Variants in PLA2G3 observed in about 807,000 individuals in gnomAD.
PLA2G3 encodes phospholipase A2 group III, also known as group 3 secretory phospholipase A2.
In PLA2G3, 39 loss-of-function variants were observed where a neutral mutation model predicts 51.3. That is an observed-to-expected ratio of 0.76 (90% CI 0.59 to 0.99). The LOEUF is 0.99. PLA2G3 is among the 50% of genes least tolerant of loss of function. The pLI is 0.00. For missense variants in PLA2G3, 677 were observed against 662.1 expected, an observed-to-expected ratio of 1.02 and a Z score of -0.25; for synonymous variants, 293 against 263.1, an observed-to-expected ratio of 1.11 and a Z score of -1.10.
intron 5 of PLA2G3, 23 bp downstream of exon 5, chr22:31,136,885 G>T (rs368261799): frequency 1.5e-5 from 24 of 1,607,252 alleles, no homozygotes; most frequent in Non-Finnish European, 1.8e-5. Flanking sequence ...AGCCCACCCC[G>T]CGAGGGTTCA....
chr22:31,140,029 G>T lies in PLA2G3; in HGVS notation c.326C>A (p.Ala109Asp). 6.2e-7 allele frequency: 1 copy of T among 1,613,742 alleles called. No homozygotes were observed. Among genetic ancestry groups the T allele is most frequent in the African/African-American group, 1.3e-5 (1 of 75,052 alleles). The change falls in exon 1 of 7, where the codon GCC (alanine) becomes GAC (aspartate). Residue 109 changes from alanine (A) to aspartate (D), a missense_variant. By Grantham distance (126) the Ala-to-Asp change is moderately radical. Coordinates refer to ENST00000215885, the MANE Select transcript of PLA2G3 (RefSeq NM_015715.5). ...TGCCTCCCACTGACTCTGAAGAGTGGCCAGTGCTCTCTGCAGCTCGGGTCC... is the reference window on the plus strand; with the variant it reads ...TGCCTCCCACTGACTCTGAAGAGTGTCCAGTGCTCTCTGCAGCTCGGGTCC... The part of the protein sequence containing the change: ...TPGPELQRAL[A>D]TLQSQWEACR...
Position 31,137,892 on chromosome 22 carries a change from C to A in PLA2G3, c.884G>T (p.Arg295Leu). ...TCGAGGCTTGGGAGGGGCTGGGCTC[C>A]GGGAGCTGGGAGTTGGGGAGGTGGC... ...SRATSPTPSS[R>L]SPAPPKPRQK... Residue 295 changes from arginine to leucine, a missense_variant, in exon 4 of 7, where the codon CGG (arginine) becomes CTG (leucine). Transcript: ENST00000215885. 6.2e-7 allele frequency: 1 copy of A among 1,613,716 alleles called. No individual in the cohort carries two copies. Among genetic ancestry groups the A allele is most frequent in the Non-Finnish European group, 8.5e-7 (1 of 1,179,880 alleles).
In PLA2G3 at chr22:31,139,836, C is replaced by G. The variant is rs1225074458; in HGVS notation, c.514+5G>C. The G allele has an allele frequency of 6.2e-7, 1 of 1,609,522 alleles. No individual in the cohort carries two copies. Among genetic ancestry groups the G allele is most frequent in the Non-Finnish European group, 8.5e-7 (1 of 1,177,050 alleles). On this transcript the variant is annotated splice_donor_5th_base_variant and intron_variant, in intron 1 of 6. Transcript: ENST00000215885. ...CCCCCAGCCCACACACCCCTCATGGCTCACCCAGCTCCGAGGAGTTCCCAG... is the reference window on the plus strand; with the variant it reads ...CCCCCAGCCCACACACCCCTCATGGGTCACCCAGCTCCGAGGAGTTCCCAG...
rs370884701 is a variant in PLA2G3 at position 31,140,059 on chromosome 22, G to A, written c.296C>T (p.Thr99Ile). 1.2e-6 allele frequency: 2 copies of A among 1,613,488 alleles called. No individual in the cohort carries two copies. The highest frequency in any genetic ancestry group is 1.3e-5 in the African/African-American group (1 of 74,918). The change falls in exon 1 of 7, where the codon ACC becomes ATC. Residue 99 changes from threonine (T) to isoleucine (I), a missense_variant. Coordinates refer to ENST00000215885, the MANE Select transcript of PLA2G3 (RefSeq NM_015715.5). ...TGCTCTCTGCAGCTCGGGTCCGGGG[G>A]TGTGGATGAAGGAGCCCCAGGCAGT... ...HETAWGSFIHTPGPELQRALA... is the reference protein window; with the variant it reads ...HETAWGSFIHIPGPELQRALA...
At position 31,135,160 on chromosome 22, in the gene PLA2G3, G is replaced by C. The variant is rs1922484501; in HGVS notation, c.*563C>G. 1 of 153,208 alleles carries C rather than the reference G, an allele frequency of 6.5e-6. No homozygotes were observed. The highest frequency in any genetic ancestry group is 2.4e-5 in the African/African-American group (1 of 41,396). 9.5% of individuals were successfully genotyped at this position (153,208 alleles called of 1,614,324 possible). A position where few individuals can be genotyped will look rare whatever the true frequency, so the allele number is the denominator to read the frequency against. On this transcript the variant is annotated 3_prime_UTR_variant, in exon 7 of 7. Coordinates refer to ENST00000215885, the MANE Select transcript of PLA2G3 (RefSeq NM_015715.5). ...TTAGGTTTAGGGCTGGGCCAGGAAG[G>C]GCACGGCAGCCGTTAAAAAAAGAGG...
Position 31,138,325 on chromosome 22 carries a change from A to C in PLA2G3, c.733T>G (p.Phe245Val), listed in dbSNP as rs767324703. ...CACGCCTCCTGCTCCTCCAGCACAA[A>C]GCAGGGGATCTCCAGCACGTTGAAG... ...AFFNVLEIPC[F>V]VLEEQEACVA... The change falls in exon 3 of 7, where the codon TTT (phenylalanine) becomes GTT (valine). Residue 245 changes from phenylalanine to valine, a missense_variant. Coordinates refer to ENST00000215885, the MANE Select transcript of PLA2G3 (RefSeq NM_015715.5). 3.7e-6 allele frequency: 6 copies of C among 1,613,884 alleles called. No homozygotes were observed. The highest frequency in any genetic ancestry group is 3.3e-5 in the Admixed American group (2 of 60,004).
intron 4 of PLA2G3, 77 bp from the exon 5 acceptor site, chr22:31,137,117 A>G (rs1204076516): frequency 3.0e-6 from 4 of 1,352,974 alleles, no homozygotes; most frequent in African/African-American, 1.5e-5. Flanking sequence ...ATCCGGGAGA[A>G]ACACCAGCAC....
At position 31,137,001 on chromosome 22, in the gene PLA2G3, T is replaced by C. The variant is rs1439957596; in HGVS notation, c.1106A>G (p.Asp369Gly). 1 of 1,559,836 alleles carries C rather than the reference T, an allele frequency of 6.4e-7. No homozygotes were observed. The highest frequency in any genetic ancestry group is 8.7e-7 in the Non-Finnish European group (1 of 1,152,364). ...GGGCCCAATCTGGTGCTCACACTGG[T>C]CCAGGTGGCGGCGGAAGCTGCGGCA... ...WVCRSFRRHL[D>G]QCEHQIGPRE... The change falls in exon 5 of 7, where the codon GAC (aspartate) becomes GGC (glycine). Residue 369 changes from aspartate to glycine, a missense_variant. By Grantham distance (94) the Asp-to-Gly change is moderately conservative. Transcript: ENST00000215885.
chr22:31,136,525 A>AACC (rs1311778653), intron 6 of PLA2G3, among the ~76,000 whole-genome samples, 158 bp downstream of exon 6: 1 of 152,216 alleles, frequency 6.6e-6, no homozygotes. Context: ...GCAGAGCTGG[A>AACC]CCTGGGGCAG....
chr22:31,135,785 A>G lies in PLA2G3; in HGVS notation c.1468T>C (p.Cys490Arg). ...CTGGCTGCCTGGGTTAGCTGCAGGC[A>G]CTGGTTGTAGAATGACATGGGGCCT... ...LRGPMSFYNQ[C>R]LQLTQAARRP... Residue 490 changes from cysteine to arginine, a missense_variant, in exon 7 of 7, where the codon TGC becomes CGC. Coordinates refer to ENST00000215885, the MANE Select transcript of PLA2G3 (RefSeq NM_015715.5). The G allele has an allele frequency of 6.2e-7, 1 of 1,614,074 alleles. No homozygotes were observed. Among genetic ancestry groups the G allele is most frequent in the South Asian group, 1.1e-5 (1 of 91,080 alleles).
rs116007140 is a variant in PLA2G3 at position 31,135,802 on chromosome 22, A to G, written c.1451T>C (p.Met484Thr). ...PWPSEPLRGP[M>T]SFYNQCLQLT... ...CTGCAGGCACTGGTTGTAGAATGAC[A>G]TGGGGCCTCTCAGGGGCTCTGAAGG... is the stretch of plus-strand genomic sequence containing the variant. Residue 484 changes from methionine to threonine, a missense_variant, in exon 7 of 7, where the codon ATG (methionine) becomes ACG (threonine). Transcript: ENST00000215885. 2 of 1,614,020 alleles carry G rather than the reference A, an allele frequency of 1.2e-6. No homozygotes were observed. Among genetic ancestry groups the G allele is most frequent in the South Asian group, 2.2e-5 (2 of 91,080 alleles).
chr22:31,139,749 G>A (rs1157324241), intron 1 of PLA2G3, 92 bp downstream of exon 1: 7 of 842,060 alleles, frequency 8.3e-6, no homozygotes, highest in Middle Eastern at 2.7e-4. Context: ...CACTCCCCCA[G>A]GGACACACAG....
chr22:31,136,407 A>G (rs1416508064), intron 6 of PLA2G3, among the ~76,000 whole-genome samples: 1 of 152,150 alleles, frequency 6.6e-6, no homozygotes, highest in Non-Finnish European at 1.5e-5. Flanking sequence ...CTTGGTTCCT[A>G]CGACCATTTT....
intron 3 of PLA2G3, 88 bp from the exon 4 acceptor site, chr22:31,138,081 G>C (rs184666681): frequency 5.2e-5 from 74 of 1,413,216 alleles, no homozygotes; most frequent in Non-Finnish European, 6.2e-5. Context: ...TCAATGCTCT[G>C]CCAGTCCCAT....
At position 31,138,757 on chromosome 22, in the gene PLA2G3, C is replaced by T. The variant is rs759507977; in HGVS notation, c.557G>A (p.Arg186His). 73 of 1,613,886 alleles carry T rather than the reference C, an allele frequency of 4.5e-5. No homozygotes were observed. In the Admixed American group the frequency reaches 8.5e-4, roughly 19 times the overall value. Residue 186 changes from arginine (R) to histidine (H), a missense_variant, in exon 2 of 7, where the codon CGC becomes CAC. Transcript: ENST00000215885. Reference protein sequence around the residue: ...GPDLCCREHDRCPQNISPLQY... With the variant: ...GPDLCCREHDHCPQNISPLQY... ...CAAGGGTGAGATGTTCTGTGGGCAG[C>T]GGTCATGTTCCCGGCAACAGAGATC... is the stretch of plus-strand genomic sequence containing the variant.
chr22:31,136,034 G>GTGACTGT, intron 6 of PLA2G3, 98 bp from the exon 7 acceptor site: 1 of 981,338 alleles, frequency 1.0e-6, no homozygotes, highest in Non-Finnish European at 1.5e-6. Flanking sequence ...GAGGGGGCTG[G>GTGACTGT]GGCCACAGTC....
chr22:31,138,045 A>G, intron 3 of PLA2G3, 52 bp from the exon 4 acceptor site: 2 of 1,508,466 alleles, frequency 1.3e-6, no homozygotes, highest in Non-Finnish European at 1.8e-6. Flanking sequence ...CCCTTCCAGA[A>G]GCCCCCAGGG....
chr22:31,138,681 A>G lies in PLA2G3; in HGVS notation c.633T>C (p.Cys211=). 6.2e-7 allele frequency: 1 copy of G among 1,614,142 alleles called. No individual in the cohort carries two copies. Among genetic ancestry groups the G allele is most frequent in the South Asian group, 1.1e-5 (1 of 91,080 alleles). The change falls in exon 2 of 7, where the codon TGT becomes TGC. Residue 211 remains cysteine, a synonymous_variant. Transcript: ENST00000215885. ...CTGCCACCAACCTGGTGTCACAGTC[A>G]CAGTGGGAGATGGTGTGGAATCGGT... The part of the protein sequence containing the change: ...RNYRFHTISH[C]DCDTRFQQCL...
At position 31,135,825 on chromosome 22, in the gene PLA2G3, A is replaced by G; in HGVS notation, c.1428T>C (p.Pro476=). Residue 476 remains proline, a synonymous_variant, in exon 7 of 7, where the codon CCT becomes CCC. Transcript: ENST00000215885. Reference sequence around the variant, plus strand: ...ACATGGGGCCTCTCAGGGGCTCTGAAGGCCATGGCTGCCTCTCATCTGTGC... The same window carrying G: ...ACATGGGGCCTCTCAGGGGCTCTGAGGGCCATGGCTGCCTCTCATCTGTGC... ...DKGTDERQPW[P]SEPLRGPMSF... is the part of the protein sequence containing the mutation. The G allele has an allele frequency of 6.2e-7, 1 of 1,613,970 alleles. No individual in the cohort carries two copies. Among genetic ancestry groups the G allele is most frequent in the South Asian group, 1.1e-5 (1 of 91,084 alleles).
Sources: allele counts gnomAD v4.1 joint callset (sites outside exome capture counted in the v4.1 genomes callset), GRCh38; gene constraint gnomAD v4.1.1; transcripts MANE v1.5; gene names NCBI Gene and HGNC (gene_info 2026-07-23, HGNC 2026-07-21).